PARD6G: variants seen among roughly 807,000 people sequenced by gnomAD.
PARD6G encodes the protein partitioning defective 6 homolog gamma.
A neutral mutation model predicts 10.7 loss-of-function variants in PARD6G; 7 were observed. The observed-to-expected ratio is 0.66, with a 90% CI of 0.37 to 1.23. The LOEUF (loss-of-function observed/expected upper bound fraction) is 1.23. Ranked by LOEUF, PARD6G falls within the 50% of genes most tolerant of loss-of-function variation. The pLI is 0.02. For synonymous variants in PARD6G, 287 were observed against 269.4 expected (o/e 1.07, Z -0.64); for missense variants, 548 against 571.8 (o/e 0.96, Z 0.42).
At chr18:80,221,458 G>A (rs911577812) in intron 1 of PARD6G, among the ~76,000 whole-genome samples, 5 of 152,136 alleles carry the variant, frequency 3.3e-5, no homozygotes, top group African/African-American at 1.2e-4. Context: ...AAAGCCATAT[G>A]ATCATGTCAA....
At chr18:80,169,027 G>A (rs984835246) in intron 2 of PARD6G, 1 of 169,278 alleles carries the variant, frequency 5.9e-6, no homozygotes, top group African/African-American at 2.4e-5. Flanking sequence ...GGTTTCCAGG[G>A]TCCTTCTCTC....
At position 80,179,114 on chromosome 18, in the gene PARD6G, C is replaced by T. The variant is rs868224583; in HGVS notation, c.296-18508G>A. 2.1e-4 allele frequency among the ~76,000 whole-genome samples: 32 copies of T among 152,272 alleles called. 1 individual carries two copies. The Middle Eastern group carries it at 0.01, about 49-fold the overall frequency. ...GGAACTCACTGCCCCCGACACCTCC[C>T]GACGCATCAGCTGGTGAGCACCAGA... On this transcript the variant is annotated intron_variant, in intron 2 of 2. Coordinates refer to ENST00000353265, the MANE Select transcript of PARD6G (RefSeq NM_032510.4).
In PARD6G at chr18:80,180,275, T is replaced by C. The variant is rs1302176317; in HGVS notation, c.296-19669A>G. Among the ~76,000 whole-genome samples the C allele has an allele frequency of 6.6e-6, 1 of 152,210 alleles. No individual in the cohort carries two copies. Among genetic ancestry groups the C allele is most frequent in the Non-Finnish European group, 1.5e-5 (1 of 68,030 alleles). The stretch of plus-strand genomic sequence containing the variant: ...CAAGGAGCGCCTGCTACCTGAGGCC[T>C]CTGCTTGGGAAGTTCCTGTCAGGAG... On this transcript the variant is annotated intron_variant, in intron 2 of 2. Coordinates refer to ENST00000353265, the MANE Select transcript of PARD6G (RefSeq NM_032510.4). The surrounding 1 kb of genome is among the most constrained non-coding windows in gnomAD (Gnocchi z 5.6).
chr18:80,196,773 GC>G (rs1012032028), intron 2 of PARD6G, among the ~76,000 whole-genome samples: 2 of 150,918 alleles, frequency 1.3e-5, no homozygotes, highest in African/African-American at 4.9e-5. Flanking sequence ...TTTTTGACAA[GC>G]TACATCAGCA....
intron 1 of PARD6G, among the ~76,000 whole-genome samples, chr18:80,218,998 C>A (rs953355387): frequency 2.0e-5 from 3 of 152,254 alleles, no homozygotes; most frequent in Non-Finnish European, 4.4e-5. Context: ...AGTGCCAAGG[C>A]TGCAGACAGC....
chr18:80,202,547 A>T (rs1246647375), intron 2 of PARD6G, 163 bp downstream of exon 2: 5 of 592,908 alleles, frequency 8.4e-6, no homozygotes, highest in Non-Finnish European at 1.5e-5. Flanking sequence ...ACAGTTTAGT[A>T]TTTTGTCTAT....
intron 2 of PARD6G, among the ~76,000 whole-genome samples, chr18:80,196,022 C>T (rs113441945): frequency 2.6e-5 from 4 of 152,016 alleles, no homozygotes; most frequent in African/African-American, 9.6e-5. Flanking sequence ...AAGAACATTT[C>T]TACCAGTTTC....
chr18:80,174,251 G>A lies in PARD6G; in HGVS notation c.296-13645C>T, dbSNP rs536411398. ...GGAGGCTGAACTCCCACCTCCTCAGGAAAGTCCCAGAGGCTCCATAAAACC... is the reference window on the plus strand; with the variant it reads ...GGAGGCTGAACTCCCACCTCCTCAGAAAAGTCCCAGAGGCTCCATAAAACC... On this transcript the variant is annotated intron_variant, in intron 2 of 2. Transcript: ENST00000353265. Among the ~76,000 whole-genome samples, 175 of 152,256 alleles carry A rather than the reference G, an allele frequency of 1.1e-3. 1 individual carries two copies. Among genetic ancestry groups the A allele is most frequent in the African/African-American group, 4.1e-3 (170 of 41,562 alleles).
chr18:80,167,744 C>T lies in PARD6G; in HGVS notation c.296-7138G>A, dbSNP rs556643772. On this transcript the variant is annotated intron_variant, in intron 2 of 2. Transcript: ENST00000353265. ...ATTTCTGAGCAGCAGGGAGTGTATC[C>T]CCTCATGGTGCAGCACCTCTCAGCA... Among the ~76,000 whole-genome samples, 3 of 152,158 alleles carry T rather than the reference C, an allele frequency of 2.0e-5. No homozygotes were observed. The East Asian group carries it at 5.8e-4, about 29-fold the overall frequency.
intron 2 of PARD6G, 153 bp downstream of exon 2, chr18:80,202,556 AT>A: frequency 1.6e-6 from 1 of 612,626 alleles, no homozygotes. Context: ...TATTTTGTCT[AT>A]TAATGCTGAT....
chr18:80,159,702 G>T lies in PARD6G; in HGVS notation c.*69C>A. On this transcript the variant is annotated 3_prime_UTR_variant, in exon 3 of 3. Coordinates refer to ENST00000353265, the MANE Select transcript of PARD6G (RefSeq NM_032510.4). ...CAAAAACAACAAAAAATGAGCGGAT[G>T]CAGTCTGCAGGTCCTGTCCCTGTCC... 2 of 1,321,698 alleles carry T rather than the reference G, an allele frequency of 1.5e-6. No individual in the cohort carries two copies. Among genetic ancestry groups the T allele is most frequent in the Middle Eastern group, 2.0e-4 (1 of 5,118 alleles). The allele number at this position is 1,321,698 out of a possible 1,614,324, so 81.9% of individuals were successfully genotyped here.
chr18:80,239,078 C>G (rs1967460803), intron 1 of PARD6G, among the ~76,000 whole-genome samples: 1 of 152,134 alleles, frequency 6.6e-6, no homozygotes, highest in African/African-American at 2.4e-5. Context: ...GAGCCCTCCC[C>G]TCTTAGACTC....
chr18:80,222,097 T>G (rs1967237152), intron 1 of PARD6G, among the ~76,000 whole-genome samples: 1 of 152,168 alleles, frequency 6.6e-6, no homozygotes, highest in African/African-American at 2.4e-5. Context: ...TTTTTTCTTT[T>G]TTTTTTAAAT....
At chr18:80,160,702 C>T in intron 2 of PARD6G, 96 bp from the exon 3 acceptor site, 2 of 1,413,610 alleles carry the variant, frequency 1.4e-6, no homozygotes, top group Non-Finnish European at 9.2e-7. Context: ...ATCTGCGTGA[C>T]GCCGAAGCAC....
chr18:80,242,683 A>G (rs1343028373), intron 1 of PARD6G, among the ~76,000 whole-genome samples: 2 of 152,238 alleles, frequency 1.3e-5, no homozygotes, highest in South Asian at 2.1e-4. Flanking sequence ...AAACATTGCG[A>G]ACAAGAAGCT....
chr18:80,165,204 A>C (rs529525003), intron 2 of PARD6G, among the ~76,000 whole-genome samples: 1 of 152,306 alleles, frequency 6.6e-6, no homozygotes, highest in South Asian at 2.1e-4. Flanking sequence ...CATAAGACAG[A>C]CATTCCCAGA....
In PARD6G at chr18:80,247,453, C is replaced by A; in HGVS notation, c.-105G>T. 1.3e-6 allele frequency: 1 copy of A among 765,742 alleles called. No homozygotes were observed. Among genetic ancestry groups the A allele is most frequent in the Non-Finnish European group, 1.7e-6 (1 of 578,544 alleles). 47.4% of individuals were successfully genotyped at this position (765,742 alleles called of 1,614,324 possible). Reference sequence around the variant, plus strand: ...GCCCCGGCCCCGGCCCCGGCCCGCGCTCGCTTGGCCGGCGGGCTGCTCCCG... The same window carrying A: ...GCCCCGGCCCCGGCCCCGGCCCGCGATCGCTTGGCCGGCGGGCTGCTCCCG... On this transcript the variant is annotated 5_prime_UTR_variant, in exon 1 of 3. Coordinates refer to ENST00000353265, the MANE Select transcript of PARD6G (RefSeq NM_032510.4). The surrounding 1 kb of genome is among the most constrained non-coding windows in gnomAD (Gnocchi z 4.2).
rs1966999325 is a variant in PARD6G at position 80,200,637 on chromosome 18, G to A, written c.295+2073C>T. Among the ~76,000 whole-genome samples the A allele has an allele frequency of 6.6e-6, 1 of 152,182 alleles. No individual in the cohort carries two copies. The highest frequency in any genetic ancestry group is 1.5e-5 in the Non-Finnish European group (1 of 68,048). On this transcript the variant is annotated intron_variant, in intron 2 of 2. Coordinates refer to ENST00000353265, the MANE Select transcript of PARD6G (RefSeq NM_032510.4). This position sits in a 1 kb window ranked among gnomAD's most constrained non-coding sequence, Gnocchi z 4.4. ...CGACACGCTCACGCTATAACCACGA[G>A]AGACTGAGAAACCCTGAGCCAGCTA...
In PARD6G at chr18:80,157,512, C is replaced by T. The variant is rs1434200512; in HGVS notation, c.*2259G>A. 2.6e-5 allele frequency: 4 copies of T among 151,472 alleles called. No individual in the cohort carries two copies. The highest frequency in any genetic ancestry group is 6.6e-5 in the Admixed American group (1 of 15,104). 9.4% of individuals were successfully genotyped at this position (151,472 alleles called of 1,614,324 possible). A position where few individuals can be genotyped will look rare whatever the true frequency, so the allele number is the denominator to read the frequency against. ...AAATATAACCTTCCTTCTTGATAGC[C>T]GACCCAGTTATATAACAGACATTCA... On this transcript the variant is annotated 3_prime_UTR_variant, in exon 3 of 3. Coordinates refer to ENST00000353265, the MANE Select transcript of PARD6G (RefSeq NM_032510.4).
Sources: gnomAD v4.1 joint callset for allele counts (sites outside exome capture counted in the v4.1 genomes callset) on GRCh38, gnomAD v4.1.1 for gene constraint, Gnocchi (gnomAD v3.1) non-coding constraint, MANE v1.5 for transcripts, NCBI Gene and HGNC (gene_info 2026-07-23, HGNC 2026-07-21) for gene names.